The following LYZL1 variants were observed in gnomAD, a reference collection of about 807,000 sequenced individuals.
LYZL1 encodes the protein lysozyme-like protein 1.
Under a neutral mutation model 17.9 loss-of-function variants are expected in LYZL1, and 16 were observed. That is an observed-to-expected ratio of 0.90 (90% CI 0.61 to 1.36). LYZL1 has a LOEUF of 1.36. Ranked by LOEUF, LYZL1 falls within the 40% of genes most tolerant of loss-of-function variation. The pLI, the probability that LYZL1 is intolerant of heterozygous loss-of-function variation, is 0.00. For missense variants in LYZL1, 149 were observed against 188.4 expected (o/e 0.79, Z 1.22); for synonymous variants, 58 against 71.8 (o/e 0.81, Z 0.97).
At position 29,297,423 on chromosome 10, in the gene LYZL1, T is replaced by C. The variant is rs528060201; in HGVS notation, c.298+4746T>C. On this transcript the variant is annotated intron_variant, in intron 3 of 4. Transcript: ENST00000649382. ...CGGTACAGCAGTCACTCCTTGTCTA[T>C]GGTTTTGCTTTCCATAGTTTCAGTT... 4.6e-5 allele frequency among the ~76,000 whole-genome samples: 7 copies of C among 152,360 alleles called. No individual in the cohort carries two copies. In the South Asian group the frequency reaches 1.4e-3, roughly 32 times the overall value.
chr10:29,296,487 G>A (rs1409707387), intron 3 of LYZL1, among the ~76,000 whole-genome samples: 2 of 152,172 alleles, frequency 1.3e-5, no homozygotes, highest in Non-Finnish European at 2.9e-5. Flanking sequence ...CCCTTCCTGA[G>A]GCATTCACCT....
chr10:29,291,875 C>G lies in LYZL1; in HGVS notation c.8C>G (p.Ala3Gly). 2 of 1,577,926 alleles carry G rather than the reference C, an allele frequency of 1.3e-6. No homozygotes were observed. The highest frequency in any genetic ancestry group is 1.7e-6 in the Non-Finnish European group (2 of 1,160,180). Residue 3 changes from alanine to glycine, a missense_variant, in exon 2 of 5, where the codon GCT becomes GGT. Physicochemically the swap from Ala to Gly is moderately conservative, Grantham distance 60 (BLOSUM62 0). This residue lies in a region of LYZL1 where 19 missense variants were observed against 55.9 expected (regional missense o/e 0.34). Coordinates refer to ENST00000649382, the MANE Select transcript of LYZL1 (RefSeq NM_032517.6). ...CTCCGGCAGGCTTTGAGGATGAAGG[C>G]TGCGGGCATTCTGACCCTCATTGGC... is the stretch of plus-strand genomic sequence containing the variant. MK[A>G]AGILTLIGCL...
At chr10:29,311,567 A>C (rs1835673103), downstream of LYZL1, among the ~76,000 whole-genome samples, 1 of 152,216 alleles carries the variant, frequency 6.6e-6, no homozygotes, top group Non-Finnish European at 1.5e-5. Flanking sequence ...AGACGCAGAG[A>C]GATAGGGCAA....
chr10:29,296,785 C>A (rs1043009295), intron 3 of LYZL1, among the ~76,000 whole-genome samples: 1 of 152,118 alleles, frequency 6.6e-6, no homozygotes. Flanking sequence ...CCCCAGTGAA[C>A]AAGACTGGTC....
chr10:29,290,677 A>G (rs1835350591), intron 1 of LYZL1, among the ~76,000 whole-genome samples: 1 of 152,084 alleles, frequency 6.6e-6, no homozygotes, highest in Non-Finnish European at 1.5e-5. Context: ...CATCTATACT[A>G]GAAACACAAA....
chr10:29,314,444 T>C (rs754188194), downstream of LYZL1, among the ~76,000 whole-genome samples: 20 of 152,160 alleles, frequency 1.3e-4, no homozygotes, highest in Non-Finnish European at 1.8e-4. Flanking sequence ...TGAGACCCCA[T>C]GTCTACAAAA....
chr10:29,316,573 C>G (rs1835732435), intron 3 of LYZL1, among the ~76,000 whole-genome samples: 1 of 151,942 alleles, frequency 6.6e-6, no homozygotes, highest in African/African-American at 2.4e-5. Flanking sequence ...AGGCTCTGTT[C>G]ATAACAATAA....
intron 3 of LYZL1, among the ~76,000 whole-genome samples, chr10:29,302,004 T>C (rs904404838): frequency 6.6e-6 from 1 of 152,232 alleles, no homozygotes; most frequent in African/African-American, 2.4e-5. Flanking sequence ...AACTTTCGTA[T>C]CTCTCATTTC....
chr10:29,315,550 A>AC (rs1835720253), downstream of LYZL1, among the ~76,000 whole-genome samples: 1 of 151,712 alleles, frequency 6.6e-6, no homozygotes, highest in South Asian at 2.1e-4. Flanking sequence ...AATAAATACC[A>AC]TAAAAATAAA....
chr10:29,312,484 G>T (rs971447546), downstream of LYZL1, among the ~76,000 whole-genome samples: 1 of 152,044 alleles, frequency 6.6e-6, no homozygotes, highest in South Asian at 2.1e-4. Context: ...GAAGCCAAAA[G>T]ATGGGACACC....
chr10:29,305,021 T>C (rs992104584), intron 3 of LYZL1, among the ~76,000 whole-genome samples: 19 of 152,144 alleles, frequency 1.2e-4, no homozygotes, highest in Non-Finnish European at 7.3e-5. Flanking sequence ...ATGTGCTCTT[T>C]CTGTACATGC....
chr10:29,301,901 T>C (rs1835523977), intron 3 of LYZL1, among the ~76,000 whole-genome samples: 1 of 135,390 alleles, frequency 7.4e-6, no homozygotes. Flanking sequence ...TGTCTTCAAG[T>C]CCACTGTTAC....
intron 4 of LYZL1, among the ~76,000 whole-genome samples, 153 bp from the exon 5 acceptor site, chr10:29,310,837 G>A (rs939699428): frequency 1.1e-4 from 16 of 152,330 alleles, no homozygotes; most frequent in African/African-American, 3.8e-4. Context: ...GTCTGAACTA[G>A]GCAAAAGGAC....
At chr10:29,314,140 G>A (rs931398261), downstream of LYZL1, among the ~76,000 whole-genome samples, 2 of 152,108 alleles carry the variant, frequency 1.3e-5, no homozygotes, top group African/African-American at 4.8e-5. Flanking sequence ...CTCCCCTGCA[G>A]CCTATTCAAG....
downstream of LYZL1, among the ~76,000 whole-genome samples, chr10:29,316,065 G>A (rs1451736729): frequency 6.6e-6 from 1 of 152,106 alleles, no homozygotes; most frequent in Non-Finnish European, 1.5e-5. Flanking sequence ...GATGTCAGGG[G>A]AAGGAAATTC....
intron 3 of LYZL1, among the ~76,000 whole-genome samples, chr10:29,294,691 C>T (rs1835422421): frequency 6.6e-6 from 1 of 152,164 alleles, no homozygotes; most frequent in Non-Finnish European, 1.5e-5. Context: ...ATTGCAAATT[C>T]TTTCAGAGCA....
At chr10:29,310,797 C>T (rs979273102) in intron 4 of LYZL1, among the ~76,000 whole-genome samples, 193 bp from the exon 5 acceptor site, 2 of 152,222 alleles carry the variant, frequency 1.3e-5, no homozygotes, top group African/African-American at 4.8e-5. Context: ...CTGAAGCTAA[C>T]AATGGCTAGG....
intron 3 of LYZL1, among the ~76,000 whole-genome samples, chr10:29,306,267 T>TAAAGTTTTAATTATG (rs1564392916): frequency 2.6e-5 from 4 of 151,334 alleles, no homozygotes; most frequent in South Asian, 4.2e-4. Flanking sequence ...AATAAGGAAC[T>TAAAGTTTTAATTATG]TGGCCGGGCG....
Position 29,311,143 on chromosome 10 carries a change from T to C in LYZL1, c.*84T>C. On this transcript the variant is annotated 3_prime_UTR_variant, in exon 5 of 5. Transcript: ENST00000649382. ...AAATGCCTGTGTCATCTTGTCCCGT[T>C]TCCTCCCAATATTCCTTCTCAAACT... 1 of 1,612,808 alleles carries C rather than the reference T, an allele frequency of 6.2e-7. No individual in the cohort carries two copies. The highest frequency in any genetic ancestry group is 1.7e-5 in the Admixed American group (1 of 59,826).
Sources: gnomAD v4.1 joint callset for allele counts (sites outside exome capture counted in the v4.1 genomes callset) on GRCh38, gnomAD v4.1.1 for gene constraint, gnomAD v4.1.1 regional missense constraint, MANE v1.5 for transcripts, NCBI Gene and HGNC (gene_info 2026-07-23, HGNC 2026-07-21) for gene names.